Variants in TPD52L2 observed in about 807,000 individuals in gnomAD.
TPD52L2 encodes the protein tumor protein D54.
A neutral mutation model predicts 24.7 loss-of-function variants in TPD52L2; 19 were observed. That is an observed-to-expected ratio of 0.77 (90% CI 0.54 to 1.13). TPD52L2 has a LOEUF of 1.13. Ranked by LOEUF, TPD52L2 falls within the 50% of genes most tolerant of loss-of-function variation. TPD52L2 has a pLI of 0.00. For synonymous variants in TPD52L2, 104 were observed against 100.2 expected (o/e 1.04, Z -0.23); for missense variants, 236 against 250.4 (o/e 0.94, Z 0.39).
At chr20:63,869,195 C>A in intron 1 of TPD52L2, 101 bp from the exon 2 acceptor site, 1 of 1,378,700 alleles carries the variant, frequency 7.3e-7, no homozygotes, top group Non-Finnish European at 1.0e-6. Flanking sequence ...TCCAGGGTCT[C>A]ACCCACTCCC....
chr20:63,877,013 G>A lies in TPD52L2; in HGVS notation c.374+1138G>A. On this transcript the variant is annotated intron_variant, in intron 4 of 6. Transcript: ENST00000346249. The surrounding 1 kb of genome is among the most constrained non-coding windows in gnomAD (Gnocchi z 4.1). ...CGGGTGGTTCATGGCATGTTGCCCT[G>A]GGTTTTTTTTGTTTGTTTGGTTTTT... is the stretch of plus-strand genomic sequence containing the variant. The A allele has an allele frequency of 2.2e-6, 1 of 447,198 alleles. No individual in the cohort carries two copies. Among genetic ancestry groups the A allele is most frequent in the Non-Finnish European group, 4.4e-6 (1 of 224,936 alleles). 27.7% of individuals were successfully genotyped at this position (447,198 alleles called of 1,614,324 possible).
intron 4 of TPD52L2, among the ~76,000 whole-genome samples, chr20:63,881,736 C>T (rs2052907668): frequency 6.6e-6 from 1 of 152,196 alleles, no homozygotes; most frequent in African/African-American, 2.4e-5. Flanking sequence ...CATTCAGCCT[C>T]GAGTTCCCTG....
intron 2 of TPD52L2, among the ~76,000 whole-genome samples, chr20:63,870,529 T>G (rs901878896): frequency 1.5e-5 from 2 of 137,062 alleles, no homozygotes; most frequent in Non-Finnish European, 3.2e-5. Flanking sequence ...AGTTTTTTTT[T>G]TTTTTTTTTT....
intron 6 of TPD52L2, 98 bp downstream of exon 6, chr20:63,889,336 A>C (rs1236370051): frequency 1.7e-5 from 18 of 1,051,692 alleles, no homozygotes; most frequent in Admixed American, 1.3e-4. Context: ...ACTCACATAC[A>C]GTTGTGGGAA....
chr20:63,876,892 C>T (rs899130900), intron 4 of TPD52L2: 6 of 451,728 alleles, frequency 1.3e-5, no homozygotes, highest in African/African-American at 2.1e-5. Flanking sequence ...GGGACCCGGG[C>T]GGTTCACGGC....
intron 5 of TPD52L2, chr20:63,887,863 T>A: frequency 1.8e-6 from 1 of 555,288 alleles, no homozygotes. Context: ...CCTTTCCAAG[T>A]CCTGACCCTG....
chr20:63,877,343 TAG>T lies in TPD52L2; in HGVS notation c.374+1472_374+1473del, dbSNP rs990095274. 6.3e-4 allele frequency: 177 copies of T among 279,126 alleles called. No homozygotes were observed. The highest frequency in any genetic ancestry group is 3.9e-3 in the African/African-American group (169 of 43,854). The allele number at this position is 279,126 out of a possible 1,614,324, so 17.3% of individuals were successfully genotyped here. The stretch of plus-strand genomic sequence containing the variant: ...CCCGGCTAATTTTTTGTATTTTTAG[TAG>T]AGACAGGGTTTCATGGTGTTAGCCA... On this transcript the variant is annotated intron_variant, in intron 4 of 6. Coordinates refer to ENST00000346249, the MANE Select transcript of TPD52L2 (RefSeq NM_003288.4). The surrounding 1 kb of genome is among the most constrained non-coding windows in gnomAD (Gnocchi z 4.1).
rs957904269 is a variant in TPD52L2, at chr20:63,890,762, C to T, written c.*817C>T. On this transcript the variant is annotated 3_prime_UTR_variant, in exon 7 of 7. Transcript: ENST00000346249. ...TCCAGTTGAGGTGTTTTATGTCACG[C>T]ACACTCCATCCCAGTGTACAAAACC... 6.6e-6 allele frequency: 1 copy of T among 152,498 alleles called. No homozygotes were observed. The highest frequency in any genetic ancestry group is 1.5e-5 in the Non-Finnish European group (1 of 68,068). 9.4% of individuals were successfully genotyped at this position (152,498 alleles called of 1,614,324 possible). A position where few individuals can be genotyped will look rare whatever the true frequency, so the allele number is the denominator to read the frequency against.
chr20:63,873,931 A>T, intron 3 of TPD52L2, 115 bp downstream of exon 3: 1 of 1,241,670 alleles, frequency 8.1e-7, no homozygotes, highest in Non-Finnish European at 1.1e-6. Context: ...CGTGGAGTTG[A>T]GTGGCCTGTT....
At chr20:63,874,462 C>T (rs946295740) in intron 3 of TPD52L2, among the ~76,000 whole-genome samples, 1 of 151,732 alleles carries the variant, frequency 6.6e-6, no homozygotes, top group Non-Finnish European at 1.5e-5. Flanking sequence ...CAACCTCAAC[C>T]TCCTGGGTTC....
Position 63,890,129 on chromosome 20 carries a change from A to C in TPD52L2, c.*184A>C. ...ATGAATTTGAAGAACACAGGCTTGTACACAGATGTTTTACACTCACGTTTG... is the reference window on the plus strand; with the variant it reads ...ATGAATTTGAAGAACACAGGCTTGTCCACAGATGTTTTACACTCACGTTTG... On this transcript the variant is annotated 3_prime_UTR_variant, in exon 7 of 7. Coordinates refer to ENST00000346249, the MANE Select transcript of TPD52L2 (RefSeq NM_003288.4). 1 of 1,350,212 alleles carries C rather than the reference A, an allele frequency of 7.4e-7. No homozygotes were observed. Among genetic ancestry groups the C allele is most frequent in the Non-Finnish European group, 9.9e-7 (1 of 1,006,298 alleles). 83.6% of individuals were successfully genotyped at this position (1,350,212 alleles called of 1,614,324 possible). A position where few individuals can be genotyped will look rare whatever the true frequency, so the allele number is the denominator to read the frequency against.
intron 3 of TPD52L2, among the ~76,000 whole-genome samples, chr20:63,875,200 C>T (rs376195211): frequency 1.6e-4 from 24 of 150,888 alleles, no homozygotes; most frequent in Middle Eastern, 3.5e-3. Flanking sequence ...GTCCCACAAC[C>T]CTAGGGACTC....
In TPD52L2 at chr20:63,889,233, A is replaced by G. The variant is rs1331217839; in HGVS notation, c.520A>G (p.Ile174Val). The G allele has an allele frequency of 1.2e-6, 2 of 1,612,788 alleles. No homozygotes were observed. Reference sequence around the variant, plus strand: ...GTCGTTTGAGGACCGAGTTGGGACCATAAAGGTAATTGTACCTGGACTGTT... The same window carrying G: ...GTCGTTTGAGGACCGAGTTGGGACCGTAAAGGTAATTGTACCTGGACTGTT... ...FKSFEDRVGT[I>V]KSKVVGDREN... Residue 174 changes from isoleucine to valine, a missense_variant, in exon 6 of 7, where the codon ATA (isoleucine) becomes GTA (valine). Coordinates refer to ENST00000346249, the MANE Select transcript of TPD52L2 (RefSeq NM_003288.4).
intron 3 of TPD52L2, among the ~76,000 whole-genome samples, chr20:63,875,055 T>A (rs948254677): frequency 6.6e-6 from 1 of 151,298 alleles, no homozygotes; most frequent in Non-Finnish European, 1.5e-5. Flanking sequence ...GGCAGGAGAA[T>A]CTCTTTAACC....
chr20:63,888,871 C>A (rs1049113385), intron 5 of TPD52L2: 3 of 412,698 alleles, frequency 7.3e-6, no homozygotes, highest in South Asian at 3.3e-5. Context: ...CTTTTCATAA[C>A]CTCAGTACGA....
At chr20:63,882,694 T>G in intron 4 of TPD52L2, 25 bp from the exon 5 acceptor site, 1 of 1,599,424 alleles carries the variant, frequency 6.3e-7, no homozygotes, top group Non-Finnish European at 8.6e-7. Flanking sequence ...TGCTGTCTGG[T>G]TGATTTAACT....
At chr20:63,868,973 T>C (rs1301844441) in intron 1 of TPD52L2, among the ~76,000 whole-genome samples, 5 of 152,088 alleles carry the variant, frequency 3.3e-5, no homozygotes, top group Non-Finnish European at 5.9e-5. Flanking sequence ...TAGATTGAGC[T>C]GCTTTCTCTG....
rs1171452339 is a variant in TPD52L2 at position 63,886,379 on chromosome 20, T to TG, written c.477-2811_477-2810insG. On this transcript the variant is annotated intron_variant, in intron 5 of 6. Coordinates refer to ENST00000346249, the MANE Select transcript of TPD52L2 (RefSeq NM_003288.4). ...CTGAAAAGGAGCTTTTTTTTTTTTT[T>TG]AGACGGAGTCTTGCTCTGTCGCCCA... Among the ~76,000 whole-genome samples the TG allele has an allele frequency of 7.9e-4, 120 of 151,794 alleles. No individual in the cohort carries two copies. The Middle Eastern group carries it at 0.017, about 22-fold the overall frequency.
At chr20:63,869,048 G>A (rs527533182) in intron 1 of TPD52L2, among the ~76,000 whole-genome samples, 8 of 152,340 alleles carry the variant, frequency 5.3e-5, no homozygotes, top group African/African-American at 1.7e-4. Flanking sequence ...GGGTTTGCCT[G>A]CCTTGGGCCG....
Sources: gnomAD v4.1 joint callset for allele counts (sites outside exome capture counted in the v4.1 genomes callset) on GRCh38, gnomAD v4.1.1 for gene constraint, Gnocchi (gnomAD v3.1) non-coding constraint, MANE v1.5 for transcripts, NCBI Gene and HGNC (gene_info 2026-07-23, HGNC 2026-07-21) for gene names.